Variants in DNMT3B observed in about 807,000 individuals in gnomAD.
The protein encoded by DNMT3B is DNA methyltransferase 3 beta.
A neutral mutation model predicts 120.2 loss-of-function variants in DNMT3B; 37 were observed. The ratio of observed to expected loss-of-function variants is 0.31; its 90% CI spans 0.24 to 0.40. The LOEUF (loss-of-function observed/expected upper bound fraction) is 0.40. Among genes scored for constraint, DNMT3B ranks in the 10% least tolerant of loss-of-function variants. The pLI is 1.00. For synonymous variants in DNMT3B, 412 were observed against 442.8 expected (o/e 0.93, Z 0.87); for missense variants, 878 against 1,137.3 (o/e 0.77, Z 3.28).
rs1979914685 is a variant in DNMT3B at position 32,791,015 on chromosome 20, C to CA, written c.814-585dup. Among the ~76,000 whole-genome samples the CA allele has an allele frequency of 2.0e-5, 3 of 152,218 alleles. No individual in the cohort carries two copies. In the South Asian group the frequency reaches 6.2e-4, roughly 32 times the overall value. ...GCCATTTTCTCTCTCACTGGCAACT[C>CA]AGTCAGTTCATGCTTGGTCCAGGGA... On this transcript the variant is annotated intron_variant, in intron 7 of 22. Transcript: ENST00000328111.
At chr20:32,787,158 T>C (rs1979385119) in intron 5 of DNMT3B, 72 bp from the exon 6 acceptor site, 2 of 1,573,030 alleles carry the variant, frequency 1.3e-6, no homozygotes, top group South Asian at 2.2e-5. Context: ...AGGAGCCATA[T>C]GGGGGTGCCG....
chr20:32,792,129 C>G (rs1241300902), intron 8 of DNMT3B, among the ~76,000 whole-genome samples: 1 of 152,170 alleles, frequency 6.6e-6, no homozygotes, highest in East Asian at 1.9e-4. Flanking sequence ...TTTTTCCCCC[C>G]ACCTTTGTTC....
In DNMT3B at chr20:32,800,002, A is replaced by G. The variant is rs187556351; in HGVS notation, c.1760-151A>G. The G allele has an allele frequency of 2.7e-5, 31 of 1,165,500 alleles. No individual in the cohort carries two copies. The Admixed American group carries it at 3.6e-4, about 14-fold the overall frequency. The allele number at this position is 1,165,500 out of a possible 1,614,324, so 72.2% of individuals were successfully genotyped here. A position where few individuals can be genotyped will look rare whatever the true frequency, so the allele number is the denominator to read the frequency against. ...CTCCTATATGGAGTTTACACAGCCA[A>G]TATGTGTGGTGCGTGTACAGCCTTT... On this transcript the variant is annotated intron_variant, in intron 16 of 22. Coordinates refer to ENST00000328111, the MANE Select transcript of DNMT3B (RefSeq NM_006892.4).
chr20:32,801,606 A>G (rs933463424), intron 19 of DNMT3B, among the ~76,000 whole-genome samples, 180 bp downstream of exon 19: 1 of 152,052 alleles, frequency 6.6e-6, no homozygotes, highest in Non-Finnish European at 1.5e-5. Flanking sequence ...TTTTTTTGAG[A>G]CAGGGTCTTG....
intron 3 of DNMT3B, 134 bp downstream of exon 3, chr20:32,781,548 T>C: frequency 1.1e-6 from 1 of 912,966 alleles, no homozygotes; most frequent in Non-Finnish European, 1.8e-6. Flanking sequence ...GCTTTCTGCA[T>C]ATATTTGGCA....
intron 1 of DNMT3B, among the ~76,000 whole-genome samples, chr20:32,765,856 T>A (rs1482237938): frequency 6.8e-6 from 1 of 147,622 alleles, no homozygotes; most frequent in East Asian, 2.1e-4. Context: ...CTCGGGTTCA[T>A]GCCATTCTCC....
intron 10 of DNMT3B, among the ~76,000 whole-genome samples, chr20:32,793,894 T>C (rs1015318207): frequency 6.6e-6 from 1 of 152,200 alleles, no homozygotes; most frequent in Non-Finnish European, 1.5e-5. Context: ...AGATTTTTAA[T>C]GGCTGTACAA....
intron 1 of DNMT3B, among the ~76,000 whole-genome samples, chr20:32,765,796 C>T (rs1341899197): frequency 7.3e-6 from 1 of 137,170 alleles, no homozygotes; most frequent in African/African-American, 2.8e-5. Flanking sequence ...GGCTCTGTCT[C>T]CCAGGCTGGA....
chr20:32,802,814 A>G (rs144231961), intron 20 of DNMT3B, among the ~76,000 whole-genome samples: 1 of 152,334 alleles, frequency 6.6e-6, no homozygotes, highest in African/African-American at 2.4e-5. Flanking sequence ...AGCCTGGGCA[A>G]CAAAGTGAGA....
At chr20:32,770,952 C>G (rs1987696536) in intron 1 of DNMT3B, among the ~76,000 whole-genome samples, 3 of 151,904 alleles carry the variant, frequency 2.0e-5, no homozygotes, top group African/African-American at 4.8e-5. Flanking sequence ...ACTTTGTTGC[C>G]CAGGCTGATC....
rs566508217 is a variant in DNMT3B, at chr20:32,792,883, C to G, written c.1066+113C>G. ...CCCACCCAGCTTTCTAGCAGCTGGT[C>G]TCAACTCTGAATGTTGGAAAAATAG... On this transcript the variant is annotated intron_variant, in intron 9 of 22. Coordinates refer to ENST00000328111, the MANE Select transcript of DNMT3B (RefSeq NM_006892.4). 6.8e-6 allele frequency: 10 copies of G among 1,481,264 alleles called. No individual in the cohort carries two copies. The Admixed American group carries it at 1.7e-4, about 26-fold the overall frequency. 91.8% of individuals were successfully genotyped at this position (1,481,264 alleles called of 1,614,324 possible).
intron 20 of DNMT3B, among the ~76,000 whole-genome samples, chr20:32,803,260 A>G (rs75614391): frequency 3.3e-5 from 5 of 152,376 alleles, no homozygotes; most frequent in African/African-American, 1.2e-4. Flanking sequence ...TTGCTAATTA[A>G]GATGTAAAAT....
chr20:32,794,032 A>G (rs1258366237), intron 10 of DNMT3B, among the ~76,000 whole-genome samples: 2 of 152,142 alleles, frequency 1.3e-5, no homozygotes, highest in Admixed American at 6.6e-5. Flanking sequence ...ATGTAAAATT[A>G]AAAAGTGCTG....
chr20:32,772,084 A>C (rs187022272), intron 1 of DNMT3B, among the ~76,000 whole-genome samples: 213 of 152,188 alleles, frequency 1.4e-3, no homozygotes, highest in Non-Finnish European at 1.5e-3. Flanking sequence ...TTTGCCCCCT[A>C]TTGTGGAAGC....
Position 32,793,611 on chromosome 20 carries a change from CTT to C in DNMT3B, c.1126+19_1126+20del. The C allele has an allele frequency of 6.2e-7, 1 of 1,613,564 alleles. No individual in the cohort carries two copies. Among genetic ancestry groups the C allele is most frequent in the East Asian group, 2.2e-5 (1 of 44,864 alleles). ...AGGAAATACGGTATTTCCTTCCTGT[CTT>C]TTGACTGTGCCCTGTTTTCTATGCA... On this transcript the variant is annotated intron_variant, in intron 10 of 22. Transcript: ENST00000328111.
chr20:32,798,665 C>G (rs1449171978), intron 15 of DNMT3B, 22 bp downstream of exon 15: 1 of 1,613,644 alleles, frequency 6.2e-7, no homozygotes, highest in Non-Finnish European at 8.5e-7. Flanking sequence ...GCTCCCGCCT[C>G]TACCACCACA....
chr20:32,786,118 A>C (rs1283459753), intron 4 of DNMT3B, among the ~76,000 whole-genome samples: 2 of 152,202 alleles, frequency 1.3e-5, no homozygotes, highest in African/African-American at 4.8e-5. Flanking sequence ...TTCTGATTGC[A>C]AGTGATCTGC....
chr20:32,794,960 A>G (rs6058889), intron 10 of DNMT3B, among the ~76,000 whole-genome samples: 8,007 of 152,284 alleles, frequency 0.053, 420 homozygotes, highest in African/African-American at 0.14. Context: ...GCAGACTCAT[A>G]TGTCTAGGCT....
chr20:32,778,853 G>A (rs1453464322), intron 1 of DNMT3B, among the ~76,000 whole-genome samples: 1 of 152,158 alleles, frequency 6.6e-6, no homozygotes, highest in Non-Finnish European at 1.5e-5. Flanking sequence ...GAGGATCACT[G>A]AAGCCCTGGG....
Sources: allele counts gnomAD v4.1 joint callset (sites outside exome capture counted in the v4.1 genomes callset), GRCh38; gene constraint gnomAD v4.1.1; transcripts MANE v1.5; gene names NCBI Gene and HGNC (gene_info 2026-07-23, HGNC 2026-07-21).